The following KIAA1549 variants were observed in gnomAD, a reference collection of about 807,000 sequenced individuals.
KIAA1549 encodes UPF0606 protein KIAA1549.
KIAA1549 carries 70 observed loss-of-function variants against 156.4 expected under a neutral mutation model. The observed-to-expected ratio is 0.45, with a 90% confidence interval of 0.37 to 0.55. KIAA1549 has a LOEUF of 0.55. Ranked by LOEUF, KIAA1549 falls within the 20% of genes least tolerant of loss-of-function variation. KIAA1549 has a pLI of 0.00. For missense variants in KIAA1549, 2,428 were observed against 2,540.9 expected, an observed-to-expected ratio of 0.96 and a Z score of 0.96; for synonymous variants, 1,103 against 1,066.4, an observed-to-expected ratio of 1.03 and a Z score of -0.67.
chr7:138,891,890 C>T (rs181449510), intron 10 of KIAA1549, among the ~76,000 whole-genome samples: 1 of 152,144 alleles, frequency 6.6e-6, no homozygotes, highest in Non-Finnish European at 1.5e-5. Flanking sequence ...AAAAGAAACA[C>T]GTATGAACTA....
At position 138,909,110 on chromosome 7, in the gene KIAA1549, C is replaced by T; in HGVS notation, c.3157G>A (p.Val1053Met). The T allele has an allele frequency of 1.2e-6, 2 of 1,613,178 alleles. No individual in the cohort carries two copies. Among genetic ancestry groups the T allele is most frequent in the East Asian group, 2.2e-5 (1 of 44,874 alleles). Residue 1053 changes from valine to methionine, a missense_variant, in exon 5 of 20, where the codon GTG (valine) becomes ATG (methionine). Around this residue, in one of 5 missense-constraint regions of KIAA1549, gnomAD observed 762 missense variants for 901.6 expected, o/e 0.85. Transcript: ENST00000422774. ...AAGCCAGTATCCACACTCGGAGGCA[C>T]AAACTGAAGTACTGAAAAGAAAAGC... The part of the protein sequence containing the change: ...RFQVQTVLQF[V>M]PPSVDTGFCN...
At chr7:138,908,138 C>T (rs1347181509) in intron 5 of KIAA1549, among the ~76,000 whole-genome samples, 2 of 152,160 alleles carry the variant, frequency 1.3e-5, no homozygotes, top group East Asian at 3.8e-4. Context: ...CTTGGTTCTT[C>T]ATTCCTAACA....
intron 1 of KIAA1549, among the ~76,000 whole-genome samples, chr7:138,928,239 C>T (rs1396890848): frequency 6.7e-6 from 1 of 149,822 alleles, no homozygotes; most frequent in Admixed American, 6.7e-5. Context: ...TCTTTTCAAT[C>T]CTACTGCCCA....
chr7:138,854,180 A>G (rs1333501677), intron 16 of KIAA1549, among the ~76,000 whole-genome samples: 1 of 152,252 alleles, frequency 6.6e-6, no homozygotes, highest in Non-Finnish European at 1.5e-5. Flanking sequence ...TCAGCTAGGT[A>G]TATAAAAATC....
At chr7:138,903,222 T>G (rs567491158) in intron 8 of KIAA1549, among the ~76,000 whole-genome samples, 2 of 152,184 alleles carry the variant, frequency 1.3e-5, no homozygotes, top group African/African-American at 2.4e-5. Context: ...ATCGCTATGA[T>G]GCTATCAATA....
At chr7:138,939,468 C>CT (rs1262191462) in intron 1 of KIAA1549, among the ~76,000 whole-genome samples, 1 of 152,100 alleles carries the variant, frequency 6.6e-6, no homozygotes, top group African/African-American at 2.4e-5. Flanking sequence ...AAAGAAAGGT[C>CT]ATTTGTCCCT....
intron 1 of KIAA1549, among the ~76,000 whole-genome samples, chr7:138,922,659 C>G (rs953843963): frequency 1.3e-5 from 2 of 151,308 alleles, no homozygotes; most frequent in Admixed American, 1.3e-4. Context: ...ACATGTAAAA[C>G]AGCAATTTAG....
At chr7:138,934,055 G>A (rs1253648713) in intron 1 of KIAA1549, among the ~76,000 whole-genome samples, 1 of 152,174 alleles carries the variant, frequency 6.6e-6, no homozygotes, top group Non-Finnish European at 1.5e-5. Flanking sequence ...ATGGGTTTTT[G>A]TTGTTGTCGT....
rs186822212 is a variant in KIAA1549, at chr7:138,841,076, C to T, written c.5453-798G>A. On this transcript the variant is annotated intron_variant, in intron 18 of 19. Transcript: ENST00000422774. Reference sequence around the variant, plus strand: ...GCTAGACATTAGGACTGGGGATAAACGGTACCACAGAAGGTACTTCCATTC... The same window carrying T: ...GCTAGACATTAGGACTGGGGATAAATGGTACCACAGAAGGTACTTCCATTC... Among the ~76,000 whole-genome samples, 20 of 152,224 alleles carry T rather than the reference C, an allele frequency of 1.3e-4. No homozygotes were observed. In the East Asian group the frequency reaches 2.9e-3, roughly 22 times the overall value.
At position 138,834,865 on chromosome 7, in the gene KIAA1549, A is replaced by G. The variant is rs62487010; in HGVS notation, c.*3041T>C. 0.14 allele frequency: 31,732 copies of G among 229,642 alleles called. 2,789 individuals are homozygous for G. Among genetic ancestry groups the G allele is most frequent in the East Asian group, 0.34 (5,522 of 16,186 alleles). The allele number at this position is 229,642 out of a possible 1,614,324, so 14.2% of individuals were successfully genotyped here. A position where few individuals can be genotyped will look rare whatever the true frequency, so the allele number is the denominator to read the frequency against. ...ATGATCACATCTGATTCTCACAACT[A>G]CGGTGCCTGGGAGGTGGCGGGGGAG... On this transcript the variant is annotated 3_prime_UTR_variant, in exon 20 of 20. Coordinates refer to ENST00000422774, the MANE Select transcript of KIAA1549 (RefSeq NM_001164665.2).
chr7:138,885,575 A>G (rs59679269), intron 10 of KIAA1549, among the ~76,000 whole-genome samples: 20,913 of 152,204 alleles, frequency 0.14, 2,168 homozygotes, highest in African/African-American at 0.29. Flanking sequence ...CCAGCCAGAC[A>G]CAACGGCAAC....
chr7:138,923,553 T>C (rs1812623262), intron 1 of KIAA1549, among the ~76,000 whole-genome samples: 1 of 151,544 alleles, frequency 6.6e-6, no homozygotes, highest in African/African-American at 2.4e-5. Flanking sequence ...TGAGCTGAGA[T>C]CATGCCATTG....
chr7:138,893,944 G>A (rs764653769), intron 10 of KIAA1549, among the ~76,000 whole-genome samples: 2 of 152,198 alleles, frequency 1.3e-5, no homozygotes, highest in Non-Finnish European at 2.9e-5. Flanking sequence ...GGTGGCACAC[G>A]CCTGTAATCT....
chr7:138,872,829 A>C (rs1810978047), intron 12 of KIAA1549, among the ~76,000 whole-genome samples: 1 of 152,184 alleles, frequency 6.6e-6, no homozygotes, highest in African/African-American at 2.4e-5. Flanking sequence ...CCTTAAGCCC[A>C]GGAGGTAGAG....
chr7:138,889,730 C>G (rs1013695019), intron 10 of KIAA1549, among the ~76,000 whole-genome samples: 2 of 152,212 alleles, frequency 1.3e-5, no homozygotes, highest in Non-Finnish European at 2.9e-5. Flanking sequence ...TTCTCACAAA[C>G]TGAGTGAGTC....
At position 138,835,501 on chromosome 7, in the gene KIAA1549, T is replaced by C. The variant is rs990811379; in HGVS notation, c.*2405A>G. The C allele has an allele frequency of 4.5e-6, 1 of 221,756 alleles. No individual in the cohort carries two copies. The allele number at this position is 221,756 out of a possible 1,614,324, so 13.7% of individuals were successfully genotyped here. ...CCAATTTGAAACAGAACCCTCTTTC[T>C]GCAATGCTCAAAGGAGGTTACCATT... On this transcript the variant is annotated 3_prime_UTR_variant, in exon 20 of 20. Transcript: ENST00000422774.
chr7:138,869,513 C>G (rs374858740), intron 14 of KIAA1549, 25 bp downstream of exon 14: 10 of 1,533,332 alleles, frequency 6.5e-6, no homozygotes, highest in Non-Finnish European at 8.8e-6. Context: ...CCCGCCCCAC[C>G]GCCTAGCGCA....
At position 138,861,435 on chromosome 7, in the gene KIAA1549, C is replaced by T. The variant is rs551170524; in HGVS notation, c.4951G>A (p.Asp1651Asn). The T allele has an allele frequency of 2.3e-5, 37 of 1,611,006 alleles. No individual in the cohort carries two copies. Among genetic ancestry groups the T allele is most frequent in the East Asian group, 2.0e-4 (9 of 44,828 alleles). The change falls in exon 16 of 20, where the codon GAT becomes AAT. Residue 1651 changes from aspartate to asparagine, a missense_variant. Around this residue, in one of 5 missense-constraint regions of KIAA1549, gnomAD observed 404 missense variants for 417.0 expected, o/e 0.97. Transcript: ENST00000422774. ...GCPSDPDLPA[D>N]VQTPSSVELG... ...TCCACCGAGGATGGTGTCTGCACAT[C>T]GGCTGGGAGGTCAGGATCCGACTAC...
At position 138,836,351 on chromosome 7, in the gene KIAA1549, T is replaced by C. The variant is rs1207808766; in HGVS notation, c.*1555A>G. ...GTACAGGTTTGTAGCCTAAGAGGAATAGGCCATGCCACACAGCCCAGGTGT... is the reference window on the plus strand; with the variant it reads ...GTACAGGTTTGTAGCCTAAGAGGAACAGGCCATGCCACACAGCCCAGGTGT... On this transcript the variant is annotated 3_prime_UTR_variant, in exon 20 of 20. Coordinates refer to ENST00000422774, the MANE Select transcript of KIAA1549 (RefSeq NM_001164665.2). 9.5e-6 allele frequency: 2 copies of C among 211,342 alleles called. No homozygotes were observed. Among genetic ancestry groups the C allele is most frequent in the Admixed American group, 5.9e-5 (1 of 17,006 alleles). 13.1% of individuals were successfully genotyped at this position (211,342 alleles called of 1,614,324 possible). A position where few individuals can be genotyped will look rare whatever the true frequency, so the allele number is the denominator to read the frequency against.
Sources: gnomAD v4.1 joint callset for allele counts (sites outside exome capture counted in the v4.1 genomes callset) on GRCh38, gnomAD v4.1.1 for gene constraint, gnomAD v4.1.1 regional missense constraint, MANE v1.5 for transcripts, NCBI Gene and HGNC (gene_info 2026-07-23, HGNC 2026-07-21) for gene names.